Variants in HGF observed in about 807,000 individuals in gnomAD.
HGF encodes the protein hepatocyte growth factor, also known as fibroblast-derived tumor cytotoxic factor.
A neutral mutation model predicts 111.6 loss-of-function variants in HGF; 39 were observed. That is an observed-to-expected ratio of 0.35 (90% CI 0.27 to 0.46). The LOEUF is 0.46. HGF is among the 20% of genes least tolerant of loss of function. The pLI is 1.00. For synonymous variants in HGF, 285 were observed against 294.8 expected (o/e 0.97, Z 0.34); for missense variants, 735 against 910.5 (o/e 0.81, Z 2.48).
chr7:81,724,314 G>A (rs566340342), intron 9 of HGF, among the ~76,000 whole-genome samples: 24 of 152,190 alleles, frequency 1.6e-4, no homozygotes, highest in Admixed American at 2.6e-4. Flanking sequence ...AGAGTTGCTC[G>A]TGAAGAATGA....
Position 81,706,399 on chromosome 7 carries a change from C to A in HGF, c.1645G>T (p.Gly549Ter). The A allele has an allele frequency of 6.2e-7, 1 of 1,612,310 alleles. No homozygotes were observed. Among genetic ancestry groups the A allele is most frequent in the Non-Finnish European group, 8.5e-7 (1 of 1,178,686 alleles). Reference sequence around the variant, plus strand: ...CCTCTTCCGTGGACATCATGAATTCCAAGCCAAGCTTCATAATCTTTCAAG... The same window carrying A: ...CCTCTTCCGTGGACATCATGAATTCAAAGCCAAGCTTCATAATCTTTCAAG... ...RDLKDYEAWLGIHDVHGRGDE... is the reference protein window; with the variant it reads ...RDLKDYEAWL Residue 549 changes from glycine to a stop codon, truncating the protein, a stop_gained, in exon 15 of 18, where the codon GGA becomes TGA. Transcript: ENST00000222390. LOFTEE classifies it high-confidence loss of function.
At chr7:81,758,670 T>C (rs1344000467) in intron 3 of HGF, 22 bp downstream of exon 3, 2 of 1,287,536 alleles carry the variant, frequency 1.6e-6, no homozygotes, top group Non-Finnish European at 2.3e-6. Context: ...CATTATGCAA[T>C]ATTTAGGGAG....
intron 17 of HGF, 66 bp from the exon 18 acceptor site, chr7:81,702,823 A>G: frequency 7.6e-7 from 1 of 1,320,960 alleles, no homozygotes; most frequent in Non-Finnish European, 1.1e-6. Context: ...TAACATAATC[A>G]TATATAGATT....
Position 81,726,010 on chromosome 7 carries a change from G to C in HGF, c.1048C>G (p.Arg350Gly). The C allele has an allele frequency of 6.2e-7, 1 of 1,613,898 alleles. No individual in the cohort carries two copies. The highest frequency in any genetic ancestry group is 8.5e-7 in the Non-Finnish European group (1 of 1,179,820). The change falls in exon 9 of 18, where the codon CGA (arginine) becomes GGA (glycine). Residue 350 changes from arginine to glycine, a missense_variant. Physicochemically the swap from Arg to Gly is moderately radical, Grantham distance 125. Around this residue, in one of 3 missense-constraint regions of HGF, gnomAD observed 553 missense variants for 685.6 expected, o/e 0.81. Transcript: ENST00000222390. ...TCTGGATTTCGGCAGTAATTTTCTC[G>C]TAGGTCCCTATTGAGAATAAGCATG... ...TPENFKCKDLRENYCRNPDGS... is the reference protein window; with the variant it reads ...TPENFKCKDLGENYCRNPDGS...
In HGF at chr7:81,702,234, G is replaced by C; in HGVS notation, c.*347C>G. ...TAATTTGTGGTTTACTCATTATTAA[G>C]AAACCAACATCAGAAAGCAGCTTAG... On this transcript the variant is annotated 3_prime_UTR_variant, in exon 18 of 18. Coordinates refer to ENST00000222390, the MANE Select transcript of HGF (RefSeq NM_000601.6). 2 of 256,590 alleles carry C rather than the reference G, an allele frequency of 7.8e-6. No individual in the cohort carries two copies. The highest frequency in any genetic ancestry group is 1.5e-5 in the Non-Finnish European group (2 of 132,636). 15.9% of individuals were successfully genotyped at this position (256,590 alleles called of 1,614,324 possible).
rs2115736916 is a variant in HGF at position 81,701,784 on chromosome 7, G to A, written c.*797C>T. ...GAATACATGTAAACACCTAGATTAGGTGTTATTTAACTCTGGGTGATGGCC... is the reference window on the plus strand; with the variant it reads ...GAATACATGTAAACACCTAGATTAGATGTTATTTAACTCTGGGTGATGGCC... On this transcript the variant is annotated 3_prime_UTR_variant, in exon 18 of 18. Transcript: ENST00000222390. 1 of 151,686 alleles carries A rather than the reference G, an allele frequency of 6.6e-6. No individual in the cohort carries two copies. Among genetic ancestry groups the A allele is most frequent in the Admixed American group, 6.6e-5 (1 of 15,162 alleles). The allele number at this position is 151,686 out of a possible 1,614,324, so 9.4% of individuals were successfully genotyped here.
chr7:81,719,308 A>G (rs1423405448), intron 10 of HGF, among the ~76,000 whole-genome samples: 4 of 152,094 alleles, frequency 2.6e-5, no homozygotes, highest in Admixed American at 6.5e-5. Context: ...AGCATAAAAT[A>G]TGCTATCTTT....
chr7:81,728,002 T>C (rs1461463206), intron 8 of HGF, among the ~76,000 whole-genome samples: 1 of 152,202 alleles, frequency 6.6e-6, no homozygotes. Context: ...GGCAGTGTTG[T>C]TCAGTTACAG....
At chr7:81,737,794 A>G (rs1401848018) in intron 7 of HGF, among the ~76,000 whole-genome samples, 1 of 152,126 alleles carries the variant, frequency 6.6e-6, no homozygotes, top group Admixed American at 6.5e-5. Flanking sequence ...AATTTCTAAT[A>G]TAGAAAAACA....
chr7:81,764,089 T>C (rs1328567622), intron 1 of HGF, among the ~76,000 whole-genome samples: 1 of 152,146 alleles, frequency 6.6e-6, no homozygotes, highest in East Asian at 1.9e-4. Flanking sequence ...ATTCCTGATC[T>C]GAATCTGTGT....
chr7:81,706,494 T>G, intron 14 of HGF, 67 bp from the exon 15 acceptor site: 2 of 1,308,510 alleles, frequency 1.5e-6, no homozygotes, highest in Non-Finnish European at 1.1e-6. Flanking sequence ...ATTATTCCTA[T>G]CTATTGTTAT....
chr7:81,717,212 C>G lies in HGF; in HGVS notation c.1405+20G>C, dbSNP rs748593085. 2.6e-5 allele frequency: 42 copies of G among 1,609,840 alleles called. No homozygotes were observed. The Admixed American group carries it at 6.8e-4, about 26-fold the overall frequency. On this transcript the variant is annotated intron_variant, in intron 11 of 17. Coordinates refer to ENST00000222390, the MANE Select transcript of HGF (RefSeq NM_000601.6). ...ACATTTAAAATATTTCACAAGACAC[C>G]AATCCCTAACTGTACTTACAACGAG...
intron 7 of HGF, chr7:81,736,807 T>C (rs937949662): frequency 8.8e-6 from 4 of 452,356 alleles, no homozygotes; most frequent in Non-Finnish European, 1.8e-5. Flanking sequence ...GTTAGAAATA[T>C]AGATAGGCGG....
At chr7:81,769,858 T>C in intron 1 of HGF, 26 bp downstream of exon 1, 1 of 1,499,162 alleles carries the variant, frequency 6.7e-7, no homozygotes. Flanking sequence ...CTAATACTAA[T>C]AATGAAGAAG....
chr7:81,751,561 T>G, intron 5 of HGF: 1 of 990,324 alleles, frequency 1.0e-6, no homozygotes, highest in Non-Finnish European at 1.2e-6. Flanking sequence ...GATCCTATTC[T>G]GAATGGTACT....
chr7:81,709,787 A>G (rs1583919795), intron 13 of HGF, among the ~76,000 whole-genome samples: 4 of 152,342 alleles, frequency 2.6e-5, no homozygotes, highest in South Asian at 4.1e-4. Flanking sequence ...AAATAAACCC[A>G]TAATATCCTA....
chr7:81,755,770 A>C (rs925813948), intron 4 of HGF: 4 of 467,052 alleles, frequency 8.6e-6, no homozygotes, highest in Non-Finnish European at 1.5e-5. Flanking sequence ...TTGTAATATA[A>C]GGAAAATACT....
intron 13 of HGF, among the ~76,000 whole-genome samples, chr7:81,708,714 A>C (rs542851897): frequency 9.2e-5 from 14 of 151,652 alleles, no homozygotes; most frequent in Non-Finnish European, 1.8e-4. Flanking sequence ...AACTGCTGGG[A>C]TTACAGGTGT....
chr7:81,729,728 A>T lies in HGF; in HGVS notation c.917T>A (p.Ile306Asn), dbSNP rs767766226. 3.7e-6 allele frequency: 6 copies of T among 1,613,926 alleles called. No individual in the cohort carries two copies. The highest frequency in any genetic ancestry group is 5.1e-6 in the Non-Finnish European group (6 of 1,179,924). The part of the protein sequence containing the change: ...TDVPLETTEC[I>N]QGQGEGYRGT... ...CCTGTAGCCTTCTCCTTGACCTTGG[A>T]TGCATTCAGTTGTTTCCAAAGGAAC... is the stretch of plus-strand genomic sequence containing the variant. The change falls in exon 8 of 18, where the codon ATC becomes AAC. Residue 306 changes from isoleucine to asparagine, a missense_variant. Around this residue, in one of 3 missense-constraint regions of HGF, gnomAD observed 553 missense variants for 685.6 expected, o/e 0.81. Coordinates refer to ENST00000222390, the MANE Select transcript of HGF (RefSeq NM_000601.6).
Sources: gnomAD v4.1 joint callset for allele counts (sites outside exome capture counted in the v4.1 genomes callset) on GRCh38, gnomAD v4.1.1 for gene constraint, gnomAD v4.1.1 regional missense constraint, MANE v1.5 for transcripts, NCBI Gene and HGNC (gene_info 2026-07-23, HGNC 2026-07-21) for gene names.